PTPRQ: variants seen among roughly 807,000 people sequenced by gnomAD.
PTPRQ encodes protein tyrosine phosphatase receptor type Q.
PTPRQ carries 199 observed loss-of-function variants against 246.0 expected under a neutral mutation model. That is an observed-to-expected ratio of 0.81 (90% confidence interval 0.72 to 0.91). PTPRQ has a LOEUF of 0.91. PTPRQ is among the 40% of genes least tolerant of loss of function. PTPRQ has a pLI of 0.00. For synonymous variants in PTPRQ, 869 were observed against 853.2 expected (o/e 1.02, Z -0.32); for missense variants, 2,624 against 2,528.4 (o/e 1.04, Z -0.81).
At chr12:80,472,336 G>A (rs1893667180) in intron 8 of PTPRQ, 85 bp downstream of exon 8, 4 of 1,488,440 alleles carry the variant, frequency 2.7e-6, no homozygotes, top group Non-Finnish European at 9.0e-7. Flanking sequence ...GAAGCAATTT[G>A]TTTTACATTT....
At chr12:80,446,417 G>A (rs1789781454) in intron 3 of PTPRQ, among the ~76,000 whole-genome samples, 1 of 151,706 alleles carries the variant, frequency 6.6e-6, no homozygotes, top group Non-Finnish European at 1.5e-5. Flanking sequence ...ATAAAATTTA[G>A]ACTCCAATGA....
chr12:80,619,822 T>C (rs1829468949), intron 31 of PTPRQ, among the ~76,000 whole-genome samples: 1 of 151,654 alleles, frequency 6.6e-6, no homozygotes, highest in Non-Finnish European at 1.5e-5. Context: ...ATGTGATTTA[T>C]TAATTCCATA....
chr12:80,538,067 C>A (rs1896041968), intron 19 of PTPRQ, among the ~76,000 whole-genome samples: 1 of 151,960 alleles, frequency 6.6e-6, no homozygotes, highest in Non-Finnish European at 1.5e-5. Context: ...CGAGATCGTG[C>A]CACTGCCCTC....
In PTPRQ at chr12:80,444,378, T is replaced by A; in HGVS notation, c.33T>A (p.Phe11Leu). The A allele has an allele frequency of 6.8e-7, 1 of 1,480,962 alleles. No individual in the cohort carries two copies. The highest frequency in any genetic ancestry group is 9.2e-7 in the Non-Finnish European group (1 of 1,085,514). The allele number at this position is 1,480,962 out of a possible 1,614,324, so 91.7% of individuals were successfully genotyped here. MDFLIIFLLL[F>L]IGTSETQVDV... is the part of the protein sequence containing the mutation. ...TTCTTATCATTTTTCTTTTACTTTT[T>A]ATTGGGACTTCAGAGACACAGGTAT... The change falls in exon 1 of 45, where the codon TTT (phenylalanine) becomes TTA (leucine). Residue 11 changes from phenylalanine (F) to leucine (L), a missense_variant. Physicochemically the swap from Phe to Leu is conservative, Grantham distance 22 (BLOSUM62 0). Transcript: ENST00000644991.
chr12:80,655,962 C>T lies in PTPRQ; in HGVS notation c.6116-2023C>T, dbSNP rs143441531. 1.6e-3 allele frequency among the ~76,000 whole-genome samples: 250 copies of T among 152,170 alleles called. 1 individual carries two copies. The highest frequency in any genetic ancestry group is 0.011 in the South Asian group (55 of 4,814). ...CTTGCAGAAGAGATTTCCAAATCTCCGTTTGACAGACGACCTATGACCTTC... is the reference window on the plus strand; with the variant it reads ...CTTGCAGAAGAGATTTCCAAATCTCTGTTTGACAGACGACCTATGACCTTC... On this transcript the variant is annotated intron_variant, in intron 38 of 44. Coordinates refer to ENST00000644991, the MANE Select transcript of PTPRQ (RefSeq NM_001145026.2).
chr12:80,672,448 AG>A (rs1900999661), intron 42 of PTPRQ, among the ~76,000 whole-genome samples: 1 of 151,892 alleles, frequency 6.6e-6, no homozygotes, highest in South Asian at 2.1e-4. Context: ...TGTGGTTCAA[AG>A]TAATATTTAT....
chr12:80,590,419 G>A (rs964632808), intron 26 of PTPRQ, among the ~76,000 whole-genome samples: 3 of 152,036 alleles, frequency 2.0e-5, no homozygotes, highest in African/African-American at 4.8e-5. Context: ...TGTAATCCCT[G>A]CACTTTGAGA....
intron 9 of PTPRQ, among the ~76,000 whole-genome samples, chr12:80,488,837 T>C (rs1894360890): frequency 6.6e-6 from 1 of 152,048 alleles, no homozygotes; most frequent in Admixed American, 6.6e-5. Context: ...AGCTGAAATA[T>C]GTATAAGATT....
intron 25 of PTPRQ, among the ~76,000 whole-genome samples, chr12:80,570,793 T>C (rs1897124440): frequency 6.6e-6 from 1 of 152,210 alleles, no homozygotes; most frequent in Non-Finnish European, 1.5e-5. Context: ...AGTTTCAGTT[T>C]TCTGCATATG....
intron 39 of PTPRQ, among the ~76,000 whole-genome samples, chr12:80,662,537 A>G (rs1289616460): frequency 2.6e-5 from 4 of 152,012 alleles, no homozygotes; most frequent in Admixed American, 6.6e-5. Context: ...TAAAGTAGGA[A>G]TAATAATCAA....
intron 35 of PTPRQ, among the ~76,000 whole-genome samples, chr12:80,648,639 G>C (rs1555210977): frequency 6.6e-6 from 1 of 151,906 alleles, no homozygotes; most frequent in Non-Finnish European, 1.5e-5. Context: ...ACATTTTTAA[G>C]CATTTATAAT....
chr12:80,538,998 G>A (rs538020809), intron 19 of PTPRQ, among the ~76,000 whole-genome samples: 2 of 152,224 alleles, frequency 1.3e-5, no homozygotes, highest in South Asian at 2.1e-4. Flanking sequence ...TTACTCTGCA[G>A]ATGGAAATTA....
intron 26 of PTPRQ, among the ~76,000 whole-genome samples, chr12:80,594,130 C>T (rs1388336278): frequency 6.6e-6 from 1 of 152,136 alleles, no homozygotes; most frequent in East Asian, 1.9e-4. Flanking sequence ...TACACTTTAA[C>T]ATTATTTAAA....
intron 3 of PTPRQ, among the ~76,000 whole-genome samples, chr12:80,445,950 G>T (rs1262150600): frequency 1.3e-5 from 2 of 151,368 alleles, no homozygotes; most frequent in African/African-American, 4.9e-5. Context: ...TTTTTTCTAT[G>T]AATATTTTTG....
chr12:80,593,102 A>G (rs189888789), intron 26 of PTPRQ, among the ~76,000 whole-genome samples: 1 of 152,328 alleles, frequency 6.6e-6, no homozygotes, highest in East Asian at 1.9e-4. Context: ...AAACAACAAT[A>G]TAAAATAGTA....
At chr12:80,601,187 G>A (rs900355855) in intron 26 of PTPRQ, among the ~76,000 whole-genome samples, 1 of 151,508 alleles carries the variant, frequency 6.6e-6, no homozygotes, top group African/African-American at 2.4e-5. Flanking sequence ...TCCTAACATG[G>A]TATATAATTT....
At chr12:80,595,651 G>T (rs1485999619) in intron 26 of PTPRQ, among the ~76,000 whole-genome samples, 2 of 151,530 alleles carry the variant, frequency 1.3e-5, no homozygotes, top group Non-Finnish European at 2.9e-5. Flanking sequence ...TGCCATGCTG[G>T]TGTGCTGCAC....
chr12:80,568,317 G>T (rs1874611053), intron 25 of PTPRQ, among the ~76,000 whole-genome samples: 1 of 151,826 alleles, frequency 6.6e-6, no homozygotes, highest in South Asian at 2.1e-4. Flanking sequence ...TTACAGAGAG[G>T]GCCTCTTTTC....
Position 80,612,584 on chromosome 12 carries a change from G to A in PTPRQ, c.4919-1008G>A, listed in dbSNP as rs75473207. Among the ~76,000 whole-genome samples, 686 of 150,456 alleles carry A rather than the reference G, an allele frequency of 4.6e-3. 4 individuals are homozygous for A. Among genetic ancestry groups the A allele is most frequent in the African/African-American group, 0.015 (628 of 41,330 alleles). ...CTGGACCTCTCATACATTGCTAGTA[G>A]GAATGTAAAATGGAATAGCCACAAT... On this transcript the variant is annotated intron_variant, in intron 28 of 44. Transcript: ENST00000644991.
Sources: allele counts gnomAD v4.1 joint callset (sites outside exome capture counted in the v4.1 genomes callset), GRCh38; gene constraint gnomAD v4.1.1; transcripts MANE v1.5; gene names NCBI Gene and HGNC (gene_info 2026-07-23, HGNC 2026-07-21).